SUCLA2: variants seen among roughly 807,000 people sequenced by gnomAD.
The protein encoded by SUCLA2 is succinate-CoA ligase ADP-forming subunit beta, also known as succinate--CoA ligase [ADP-forming] subunit beta, mitochondrial.
Under a neutral mutation model 54.8 loss-of-function variants are expected in SUCLA2, and 30 were observed. The ratio of observed to expected loss-of-function variants is 0.55; its 90% CI spans 0.41 to 0.74. SUCLA2 has a LOEUF of 0.74. SUCLA2 is among the 30% of genes least tolerant of loss of function. The pLI is 0.00. For synonymous variants in SUCLA2, 172 were observed against 188.9 expected (o/e 0.91, Z 0.74); for missense variants, 476 against 562.9 (o/e 0.85, Z 1.56).
intron 6 of SUCLA2, among the ~76,000 whole-genome samples, chr13:47,964,573 T>C (rs1254681820): frequency 6.6e-6 from 1 of 152,210 alleles, no homozygotes; most frequent in Non-Finnish European, 1.5e-5. Flanking sequence ...GATGTCATCA[T>C]TGGGCCAGGC....
Position 47,997,038 on chromosome 13 carries a change from G to C in SUCLA2, c.91-15C>G. ...CTTCCCAGAACCTAGAAAGATTGGGGACATATTTATATATGACAGTGATTT... is the reference window on the plus strand; with the variant it reads ...CTTCCCAGAACCTAGAAAGATTGGGCACATATTTATATATGACAGTGATTT... On this transcript the variant is annotated splice_polypyrimidine_tract_variant and intron_variant, in intron 1 of 10. Coordinates refer to ENST00000646932, the MANE Select transcript of SUCLA2 (RefSeq NM_003850.3). 6.2e-7 allele frequency: 1 copy of C among 1,613,882 alleles called. No homozygotes were observed.
rs372847680 is a variant in SUCLA2, at chr13:47,973,405, G to A, written c.535-13C>T. 3.2e-5 allele frequency: 51 copies of A among 1,612,278 alleles called. No homozygotes were observed. Among genetic ancestry groups the A allele is most frequent in the Non-Finnish European group, 4.2e-5 (49 of 1,179,730 alleles). ...TTAATACAGGACCCTGGCAAGGGAA[G>A]TAAACAACCAAAACTCTAGATTTAT... On this transcript the variant is annotated splice_polypyrimidine_tract_variant and intron_variant, in intron 4 of 10. Transcript: ENST00000646932.
intron 3 of SUCLA2, 37 bp downstream of exon 3, chr13:47,988,845 T>TA (rs771225333): frequency 4.4e-6 from 7 of 1,598,300 alleles, no homozygotes; most frequent in Non-Finnish European, 6.0e-6. Context: ...AATCAGTCTT[T>TA]AACAAGGATG....
intron 6 of SUCLA2, chr13:47,965,780 G>GGCTT (rs1949913304): frequency 2.6e-6 from 1 of 390,630 alleles, no homozygotes; most frequent in Non-Finnish European, 4.5e-6. Flanking sequence ...GAACGTTCTT[G>GGCTT]GCTTGCGCCT....
At chr13:47,981,912 G>A (rs189983663) in intron 4 of SUCLA2, among the ~76,000 whole-genome samples, 182 of 152,170 alleles carry the variant, frequency 1.2e-3, no homozygotes, top group African/African-American at 4.4e-3. Context: ...TTGATCCCGG[G>A]AGACTGGGGT....
intron 5 of SUCLA2, chr13:47,972,051 G>A: frequency 2.6e-6 from 1 of 389,000 alleles, no homozygotes; most frequent in Non-Finnish European, 4.5e-6. Flanking sequence ...AGGAGTTCAA[G>A]ACCAGCATGG....
intron 5 of SUCLA2, chr13:47,971,586 C>T: frequency 3.9e-6 from 1 of 257,186 alleles, no homozygotes; most frequent in Non-Finnish European, 7.0e-6. Flanking sequence ...GGAAGCAGCA[C>T]ACAAGGACAA....
chr13:47,962,859 A>G (rs1232926867), intron 6 of SUCLA2, among the ~76,000 whole-genome samples: 3 of 152,030 alleles, frequency 2.0e-5, no homozygotes, highest in African/African-American at 7.2e-5. Context: ...CTTAAAACTT[A>G]GGAGTTTTTC....
At chr13:47,989,053 C>T in intron 2 of SUCLA2, 72 bp from the exon 3 acceptor site, 1 of 1,397,030 alleles carries the variant, frequency 7.2e-7, no homozygotes, top group Non-Finnish European at 1.0e-6. Flanking sequence ...TGTTATTTAA[C>T]ATACATATTG....
chr13:47,976,563 G>GA (rs1840323660), intron 4 of SUCLA2, among the ~76,000 whole-genome samples: 1 of 152,106 alleles, frequency 6.6e-6, no homozygotes, highest in African/African-American at 2.4e-5. Context: ...CGAGAACAAA[G>GA]GAGAGTACAC....
At chr13:47,978,199 T>C (rs771826819) in intron 4 of SUCLA2, among the ~76,000 whole-genome samples, 1 of 151,932 alleles carries the variant, frequency 6.6e-6, no homozygotes, top group Non-Finnish European at 1.5e-5. Flanking sequence ...AAAGAGCCCA[T>C]AAAGCCAAGA....
chr13:47,943,766 G>GTGTGTGTGTATATATATATATATA (rs1300486540), intron 10 of SUCLA2, among the ~76,000 whole-genome samples: 10 of 139,660 alleles, frequency 7.2e-5, no homozygotes, highest in African/African-American at 2.4e-4. Flanking sequence ...GTGTGTGTGT[G>GTGTGTGTGTATATATATATATATA]TATATATATA....
At chr13:47,974,956 A>G (rs570295450) in intron 4 of SUCLA2, among the ~76,000 whole-genome samples, 8 of 152,280 alleles carry the variant, frequency 5.3e-5, no homozygotes, top group African/African-American at 1.2e-4. Context: ...TTTTTAACAT[A>G]AAGTGCGTTT....
At chr13:47,994,341 GGGT>G (rs1950174380) in intron 2 of SUCLA2, among the ~76,000 whole-genome samples, 5 of 151,902 alleles carry the variant, frequency 3.3e-5, no homozygotes, top group Non-Finnish European at 7.4e-5. Flanking sequence ...AGGCCTAGGC[GGGT>G]GGATCACAAG....
chr13:47,976,026 T>C (rs1451740436), intron 4 of SUCLA2, among the ~76,000 whole-genome samples: 1 of 152,136 alleles, frequency 6.6e-6, no homozygotes, highest in Non-Finnish European at 1.5e-5. Context: ...GCAGGAGGAC[T>C]GCTTGAGTCT....
Position 47,988,866 on chromosome 13 carries a change from A to T in SUCLA2, c.371+16T>A, listed in dbSNP as rs749579504. ...TCTTTAACAAGGATGATTTTTCCTTAAAAAATGTGACTTACGAGAAAACTA... is the reference window on the plus strand; with the variant it reads ...TCTTTAACAAGGATGATTTTTCCTTTAAAAATGTGACTTACGAGAAAACTA... On this transcript the variant is annotated intron_variant, in intron 3 of 10. Coordinates refer to ENST00000646932, the MANE Select transcript of SUCLA2 (RefSeq NM_003850.3). 5 of 1,609,178 alleles carry T rather than the reference A, an allele frequency of 3.1e-6. No individual in the cohort carries two copies. The South Asian group carries it at 5.5e-5, about 18-fold the overall frequency.
intron 6 of SUCLA2, among the ~76,000 whole-genome samples, chr13:47,955,032 T>C (rs1291272109): frequency 6.6e-6 from 1 of 151,358 alleles, no homozygotes. Flanking sequence ...CTCACCTTAA[T>C]AAAAAGAAAA....
chr13:47,964,675 G>A (rs962071414), intron 6 of SUCLA2, among the ~76,000 whole-genome samples: 30 of 152,018 alleles, frequency 2.0e-4, no homozygotes, highest in Non-Finnish European at 2.8e-4. Context: ...GGCTAACACG[G>A]TGAAACCCCG....
chr13:47,981,446 CA>C (rs939379215), intron 4 of SUCLA2, among the ~76,000 whole-genome samples: 2 of 152,026 alleles, frequency 1.3e-5, no homozygotes, highest in African/African-American at 4.8e-5. Context: ...TGGCCACTAC[CA>C]AAAAAACAGA....
Sources: gnomAD v4.1 joint callset for allele counts (sites outside exome capture counted in the v4.1 genomes callset) on GRCh38, gnomAD v4.1.1 for gene constraint, MANE v1.5 for transcripts, NCBI Gene and HGNC (gene_info 2026-07-23, HGNC 2026-07-21) for gene names.